The following GPC5 variants were observed in gnomAD, a reference collection of about 807,000 sequenced individuals.
GPC5 encodes glypican-5.
A neutral mutation model predicts 53.9 loss-of-function variants in GPC5; 47 were observed. The observed-to-expected ratio is 0.87, with a 90% CI of 0.69 to 1.11. The LOEUF is 1.11. GPC5 is among the 50% of genes most tolerant of loss of function. The probability of loss-of-function intolerance (pLI) is 0.00; values close to 1 mark genes in which losing one functional copy is unlikely to be tolerated. For missense variants in GPC5, 748 were observed against 713.1 expected (o/e 1.05, Z -0.56); for synonymous variants, 286 against 263.3 (o/e 1.09, Z -0.84).
At chr13:91,952,058 C>T (rs531069833) in intron 6 of GPC5, among the ~76,000 whole-genome samples, 8 of 152,170 alleles carry the variant, frequency 5.3e-5, no homozygotes, top group African/African-American at 1.9e-4. Context: ...ATAATGTAGG[C>T]AATTAACTGA....
chr13:91,662,244 A>C (rs1343351741), intron 2 of GPC5, among the ~76,000 whole-genome samples: 3 of 152,194 alleles, frequency 2.0e-5, no homozygotes, highest in Admixed American at 2.0e-4. Context: ...AAGAAAGTAG[A>C]GTATATTGGA....
At chr13:91,519,116 G>A (rs966904359) in intron 2 of GPC5, among the ~76,000 whole-genome samples, 7 of 152,058 alleles carry the variant, frequency 4.6e-5, no homozygotes, top group Non-Finnish European at 7.4e-5. Context: ...TTTTCTGGAA[G>A]CAATTGGCCT....
intron 7 of GPC5, among the ~76,000 whole-genome samples, chr13:92,764,164 G>A (rs1566408330): frequency 6.6e-6 from 1 of 152,198 alleles, no homozygotes; most frequent in Non-Finnish European, 1.5e-5. Flanking sequence ...CAGGCCGATG[G>A]ACAAATGCAA....
chr13:91,748,643 T>C (rs1253618595), intron 4 of GPC5, among the ~76,000 whole-genome samples: 1 of 152,148 alleles, frequency 6.6e-6, no homozygotes, highest in African/African-American at 2.4e-5. Context: ...GGAAGGTAGA[T>C]TGGCATACAG....
At chr13:91,448,686 A>G (rs543280491) in intron 1 of GPC5, 75 bp from the exon 2 acceptor site, 594 of 1,484,086 alleles carry the variant, frequency 4.0e-4, no homozygotes, top group Non-Finnish European at 5.1e-4. Flanking sequence ...AGGACTGGTC[A>G]TAACGCCTGA....
intron 7 of GPC5, among the ~76,000 whole-genome samples, chr13:92,440,472 C>T (rs1350825742): frequency 6.6e-6 from 1 of 152,146 alleles, no homozygotes; most frequent in Non-Finnish European, 1.5e-5. Flanking sequence ...ATGGTATATA[C>T]GTACCACATT....
intron 5 of GPC5, among the ~76,000 whole-genome samples, chr13:91,878,405 C>T (rs1388742519): frequency 6.6e-6 from 1 of 152,098 alleles, no homozygotes; most frequent in African/African-American, 2.4e-5. Flanking sequence ...ACTGCCTAAC[C>T]ATTGGTGATA....
intron 5 of GPC5, among the ~76,000 whole-genome samples, chr13:91,831,369 G>A (rs2038656536): frequency 6.6e-6 from 1 of 151,732 alleles, no homozygotes; most frequent in South Asian, 2.1e-4. Context: ...CAGATTAAGG[G>A]TGGATCTGCC....
At chr13:92,069,403 C>T (rs903324441) in intron 6 of GPC5, among the ~76,000 whole-genome samples, 32 of 124,856 alleles carry the variant, frequency 2.6e-4, no homozygotes, top group African/African-American at 8.7e-4. Flanking sequence ...ATAATGTGTG[C>T]GTGCATGTGT....
At chr13:92,616,137 G>A (rs767026495) in intron 7 of GPC5, among the ~76,000 whole-genome samples, 6 of 152,110 alleles carry the variant, frequency 3.9e-5, no homozygotes, top group Non-Finnish European at 8.8e-5. Context: ...AAATGAAAAG[G>A]CTGATAAAAA....
chr13:91,938,840 A>G (rs778690410), intron 6 of GPC5, among the ~76,000 whole-genome samples: 4 of 152,136 alleles, frequency 2.6e-5, no homozygotes, highest in Non-Finnish European at 5.9e-5. Flanking sequence ...CAAAAGACAG[A>G]TGCTTTAAAA....
intron 7 of GPC5, among the ~76,000 whole-genome samples, chr13:92,627,975 T>G (rs551471706): frequency 6.6e-6 from 1 of 152,296 alleles, no homozygotes; most frequent in East Asian, 1.9e-4. Flanking sequence ...ATTGGTGTGG[T>G]AGACTGAAAT....
chr13:91,724,292 G>A (rs2036533123), intron 3 of GPC5, among the ~76,000 whole-genome samples: 1 of 151,996 alleles, frequency 6.6e-6, no homozygotes, highest in Admixed American at 6.6e-5. Context: ...CATGCCTTAT[G>A]TAATCTATTA....
intron 2 of GPC5, among the ~76,000 whole-genome samples, chr13:91,607,744 C>G (rs1173345558): frequency 1.3e-5 from 2 of 152,124 alleles, no homozygotes; most frequent in Admixed American, 1.3e-4. Context: ...GGAAGTTTTC[C>G]CTGAAAGACA....
chr13:91,876,631 A>G (rs2039205466), intron 5 of GPC5, among the ~76,000 whole-genome samples: 1 of 152,230 alleles, frequency 6.6e-6, no homozygotes, highest in African/African-American at 2.4e-5. Flanking sequence ...GGATGCTGTC[A>G]AAGGCATTCA....
chr13:91,708,727 C>T (rs2036162996), intron 3 of GPC5, among the ~76,000 whole-genome samples: 1 of 152,074 alleles, frequency 6.6e-6, no homozygotes, highest in South Asian at 2.1e-4. Flanking sequence ...ACAATGTATA[C>T]TTTTGAAAAT....
At chr13:92,122,275 CT>C (rs36004164) in intron 6 of GPC5, among the ~76,000 whole-genome samples, 57,872 of 144,070 alleles carry the variant, frequency 0.4, 11,493 homozygotes, top group Admixed American at 0.49. Flanking sequence ...AAACACAGCG[CT>C]TTTTTTTTTT....
chr13:92,737,026 T>C (rs1310837484), intron 7 of GPC5, among the ~76,000 whole-genome samples: 1 of 151,936 alleles, frequency 6.6e-6, no homozygotes, highest in East Asian at 1.9e-4. Context: ...AGGTTCTAAT[T>C]AATTGGAGAT....
intron 6 of GPC5, among the ~76,000 whole-genome samples, chr13:92,135,528 T>G (rs1057000310): frequency 2.0e-5 from 3 of 152,154 alleles, no homozygotes; most frequent in African/African-American, 7.2e-5. Flanking sequence ...CTGGCCACAT[T>G]TTGAACCGGA....
Sources: gnomAD v4.1 joint callset for allele counts (sites outside exome capture counted in the v4.1 genomes callset) on GRCh38, gnomAD v4.1.1 for gene constraint, MANE v1.5 for transcripts, NCBI Gene and HGNC (gene_info 2026-07-23, HGNC 2026-07-21) for gene names.